Variants in VTI1A observed in about 807,000 individuals in gnomAD.
The protein encoded by VTI1A is vesicle transport through interaction with t-SNAREs 1A, also known as vesicle transport through interaction with t-SNAREs homolog 1A.
VTI1A carries 22 observed loss-of-function variants against 34.9 expected under a neutral mutation model. The observed-to-expected ratio is 0.63, with a 90% CI of 0.45 to 0.90. VTI1A has a LOEUF of 0.90. VTI1A is among the 40% of genes least tolerant of loss of function. The pLI, the probability that VTI1A is intolerant of heterozygous loss-of-function variation, is 0.00. For synonymous variants in VTI1A, 87 were observed against 97.3 expected, an observed-to-expected ratio of 0.89 and a Z score of 0.62; for missense variants, 268 against 275.6, an observed-to-expected ratio of 0.97 and a Z score of 0.20.
rs550918144 is a variant in VTI1A, at chr10:112,627,713, A to G, written c.428-40505A>G. On this transcript the variant is annotated intron_variant, in intron 5 of 7. Coordinates refer to ENST00000393077, the MANE Select transcript of VTI1A (RefSeq NM_145206.4). ...TTATTTATTCAACAAATATCGAAGC[A>G]TCTACTATGTAACAGGACCTGGTGC... Among the ~76,000 whole-genome samples the G allele has an allele frequency of 2.2e-4, 34 of 152,334 alleles. No homozygotes were observed. In the Middle Eastern group the frequency reaches 0.01, roughly 46 times the overall value.
the VTI1A span, among the ~76,000 whole-genome samples, chr10:112,852,915 AC>A: frequency 2.6e-5 from 4 of 152,110 alleles, no homozygotes; most frequent in African/African-American, 9.7e-5. Context: ...AGTAAGTGGG[AC>A]TACAGGCACA....
intron 5 of VTI1A, among the ~76,000 whole-genome samples, chr10:112,539,314 A>C (rs1005296549): frequency 2.6e-5 from 4 of 152,206 alleles, no homozygotes; most frequent in Non-Finnish European, 2.9e-5. Flanking sequence ...TCTTTTATGA[A>C]TGGCCAGTGT....
At chr10:112,809,081 G>C (rs949748649) in intron 7 of VTI1A, among the ~76,000 whole-genome samples, 6 of 152,184 alleles carry the variant, frequency 3.9e-5, no homozygotes, top group Non-Finnish European at 8.8e-5. Flanking sequence ...ATCAGAGTGG[G>C]ATCAGCCTCC....
intron 7 of VTI1A, among the ~76,000 whole-genome samples, chr10:112,686,678 C>T (rs751984003): frequency 2.0e-5 from 3 of 152,144 alleles, no homozygotes; most frequent in Admixed American, 6.5e-5. Flanking sequence ...AATACTGCCT[C>T]GCAAAGTCAG....
chr10:112,646,665 C>T (rs1246762507), intron 5 of VTI1A, among the ~76,000 whole-genome samples: 3 of 151,964 alleles, frequency 2.0e-5, no homozygotes, highest in Non-Finnish European at 2.9e-5. Context: ...TGTGCCACCA[C>T]GTCCAGCTAA....
intron 5 of VTI1A, among the ~76,000 whole-genome samples, chr10:112,642,362 C>A (rs961844704): frequency 1.3e-5 from 2 of 152,114 alleles, no homozygotes; most frequent in African/African-American, 2.4e-5. Flanking sequence ...TCTGATCCCC[C>A]CCTCTCCATC....
chr10:112,812,158 G>A (rs1220436910), intron 7 of VTI1A, among the ~76,000 whole-genome samples: 2 of 152,242 alleles, frequency 1.3e-5, no homozygotes, highest in South Asian at 4.1e-4. Context: ...AAATGCACAA[G>A]TTTTTGCCTG....
At chr10:112,662,234 A>G (rs1847487167) in intron 5 of VTI1A, among the ~76,000 whole-genome samples, 1 of 152,162 alleles carries the variant, frequency 6.6e-6, no homozygotes, top group Non-Finnish European at 1.5e-5. Flanking sequence ...AGTTCTTCAG[A>G]TATTTATTCA....
intron 5 of VTI1A, among the ~76,000 whole-genome samples, chr10:112,544,827 A>G (rs1036645284): frequency 6.6e-6 from 1 of 152,178 alleles, no homozygotes; most frequent in Non-Finnish European, 1.5e-5. Context: ...GGCAACAGAA[A>G]GAAAACCAGT....
chr10:112,601,319 TAA>T (rs1844868062), intron 5 of VTI1A, among the ~76,000 whole-genome samples: 1 of 152,050 alleles, frequency 6.6e-6, no homozygotes, highest in South Asian at 2.1e-4. Context: ...CCAATGACAG[TAA>T]ATATTGAAGT....
At chr10:112,717,554 C>CCCTT (rs1273131935) in intron 7 of VTI1A, among the ~76,000 whole-genome samples, 1 of 152,116 alleles carries the variant, frequency 6.6e-6, no homozygotes, top group Non-Finnish European at 1.5e-5. Context: ...AGTCAAAAGG[C>CCCTT]CCTTCCATGT....
chr10:112,821,844 TC>T (rs1254576463), downstream of VTI1A, among the ~76,000 whole-genome samples: 1 of 152,004 alleles, frequency 6.6e-6, no homozygotes, highest in African/African-American at 2.4e-5. Flanking sequence ...AGACTGTCCC[TC>T]CCCGTGTTTG....
intron 3 of VTI1A, among the ~76,000 whole-genome samples, chr10:112,492,249 A>T (rs781705016): frequency 3.2e-4 from 49 of 152,266 alleles, no homozygotes; most frequent in Non-Finnish European, 4.7e-4. Flanking sequence ...TCACTCAGTA[A>T]ACCATAAACT....
intron 7 of VTI1A, among the ~76,000 whole-genome samples, chr10:112,750,414 C>T (rs186299887): frequency 2.0e-5 from 3 of 152,236 alleles, no homozygotes; most frequent in Admixed American, 2.0e-4. Flanking sequence ...GGAGGTCTCA[C>T]TGTGTTGCCC....
chr10:112,533,897 A>G (rs1364256863), intron 4 of VTI1A, among the ~76,000 whole-genome samples: 1 of 152,128 alleles, frequency 6.6e-6, no homozygotes, highest in African/African-American at 2.4e-5. Flanking sequence ...GTAGTTTCTC[A>G]AAGAAGCTAG....
At chr10:112,743,784 T>A (rs1850782819) in intron 7 of VTI1A, among the ~76,000 whole-genome samples, 2 of 152,150 alleles carry the variant, frequency 1.3e-5, no homozygotes, top group African/African-American at 2.4e-5. Flanking sequence ...AAGAAAAAAA[T>A]TATTTCGGTT....
intron 5 of VTI1A, among the ~76,000 whole-genome samples, chr10:112,634,433 A>T (rs1040190970): frequency 1.3e-5 from 2 of 150,830 alleles, no homozygotes; most frequent in Non-Finnish European, 2.9e-5. Context: ...ACAATACAGA[A>T]GGTTTCTTTC....
chr10:112,607,117 TCTCTACTA>T (rs1361805032), intron 5 of VTI1A, among the ~76,000 whole-genome samples: 1 of 151,892 alleles, frequency 6.6e-6, no homozygotes, highest in East Asian at 1.9e-4. Flanking sequence ...TGAAACCCTG[TCTCTACTA>T]AAAATACAAA....
At chr10:112,494,359 T>G (rs1026343084) in intron 3 of VTI1A, among the ~76,000 whole-genome samples, 10 of 152,154 alleles carry the variant, frequency 6.6e-5, no homozygotes, top group African/African-American at 2.4e-4. Context: ...TATTTTATTA[T>G]TTATCTGTTT....
Sources: allele counts gnomAD v4.1 joint callset (sites outside exome capture counted in the v4.1 genomes callset), GRCh38; gene constraint gnomAD v4.1.1; transcripts MANE v1.5; gene names NCBI Gene and HGNC (gene_info 2026-07-23, HGNC 2026-07-21).